Variants in RTN1 observed in about 807,000 individuals in gnomAD.
RTN1 encodes reticulon-1.
RTN1 carries 25 observed loss-of-function variants against 65.5 expected under a neutral mutation model. The ratio of observed to expected loss-of-function variants is 0.38; its 90% CI spans 0.28 to 0.53. The LOEUF is 0.53. Among genes scored for constraint, RTN1 ranks in the 20% least tolerant of loss-of-function variants. The pLI, the probability that RTN1 is intolerant of heterozygous loss-of-function variation, is 0.79. For synonymous variants in RTN1, 471 were observed against 447.6 expected, an observed-to-expected ratio of 1.05 and a Z score of -0.66; for missense variants, 983 against 1,025.4, an observed-to-expected ratio of 0.96 and a Z score of 0.57.
chr14:59,686,856 C>G (rs7159125), intron 3 of RTN1, among the ~76,000 whole-genome samples: 1 of 152,176 alleles, frequency 6.6e-6, no homozygotes, highest in Non-Finnish European at 1.5e-5. Context: ...GAACCAAGAA[C>G]AGGACACCAT....
intron 1 of RTN1, among the ~76,000 whole-genome samples, chr14:59,860,435 C>T (rs991909409): frequency 6.6e-6 from 1 of 152,230 alleles, no homozygotes; most frequent in African/African-American, 2.4e-5. Flanking sequence ...CAGAAGTTTG[C>T]TGCAGGGGTG....
chr14:59,739,751 T>C (rs913676531), intron 2 of RTN1, among the ~76,000 whole-genome samples: 7 of 152,216 alleles, frequency 4.6e-5, no homozygotes, highest in African/African-American at 1.7e-4. Flanking sequence ...CAAAAGCTAC[T>C]CAGAAATGGT....
At chr14:59,858,555 A>C (rs546671406) in intron 1 of RTN1, among the ~76,000 whole-genome samples, 1 of 152,198 alleles carries the variant, frequency 6.6e-6, no homozygotes, top group Non-Finnish European at 1.5e-5. Flanking sequence ...GCGTCAACAA[A>C]TTTTCCAAAC....
chr14:59,802,149 T>C, intron 1 of RTN1, among the ~76,000 whole-genome samples: 1 of 152,254 alleles, frequency 6.6e-6, no homozygotes, highest in African/African-American at 2.4e-5. Context: ...TTTTTCTCTT[T>C]GGCTCTATTT....
At chr14:59,661,761 T>C (rs906736610) in intron 3 of RTN1, among the ~76,000 whole-genome samples, 1 of 152,092 alleles carries the variant, frequency 6.6e-6, no homozygotes, top group Non-Finnish European at 1.5e-5. Flanking sequence ...CTCAAAATAA[T>C]AAGCTATTTA....
intron 3 of RTN1, among the ~76,000 whole-genome samples, chr14:59,719,829 T>A (rs759086404): frequency 1.6e-4 from 24 of 152,158 alleles, no homozygotes; most frequent in Non-Finnish European, 3.1e-4. Context: ...CCAAACTCCA[T>A]TATTATAAGT....
At chr14:59,613,856 A>T (rs2093049) in intron 3 of RTN1, among the ~76,000 whole-genome samples, 19 of 151,840 alleles carry the variant, frequency 1.3e-4, no homozygotes, top group Non-Finnish European at 2.5e-4. Context: ...ATTTAAAAGC[A>T]GATAAATCCC....
At chr14:59,686,281 C>G (rs1210148995) in intron 3 of RTN1, among the ~76,000 whole-genome samples, 2 of 152,028 alleles carry the variant, frequency 1.3e-5, no homozygotes, top group East Asian at 1.9e-4. Context: ...TGGATATGAC[C>G]TCAAAAGCAC....
At chr14:59,713,057 A>G (rs1230741702) in intron 3 of RTN1, among the ~76,000 whole-genome samples, 9 of 152,218 alleles carry the variant, frequency 5.9e-5, no homozygotes, top group Non-Finnish European at 1.3e-4. Flanking sequence ...AATCATCCCA[A>G]GAATCCAGTG....
intron 1 of RTN1, among the ~76,000 whole-genome samples, chr14:59,793,410 T>C (rs904718944): frequency 1.3e-5 from 2 of 152,164 alleles, no homozygotes; most frequent in African/African-American, 4.8e-5. Context: ...GAATTCTAAA[T>C]GCAACCTTTT....
At chr14:59,641,779 TC>T (rs1221150614) in intron 3 of RTN1, among the ~76,000 whole-genome samples, 1 of 152,260 alleles carries the variant, frequency 6.6e-6, no homozygotes, top group Admixed American at 6.5e-5. Context: ...AATACAAGTT[TC>T]TTACAACATC....
chr14:59,644,958 G>C (rs1212211713), intron 3 of RTN1, among the ~76,000 whole-genome samples: 3 of 151,704 alleles, frequency 2.0e-5, no homozygotes, highest in African/African-American at 4.8e-5. Context: ...GAGCTCCCAG[G>C]GGGAGGACAG....
intron 3 of RTN1, among the ~76,000 whole-genome samples, chr14:59,693,083 C>G (rs1332360115): frequency 6.6e-6 from 1 of 152,110 alleles, no homozygotes; most frequent in South Asian, 2.1e-4. Context: ...GCTTAGTCCC[C>G]TTATAAAAGA....
chr14:59,700,444 T>C (rs1040968452), intron 3 of RTN1, among the ~76,000 whole-genome samples: 1 of 152,072 alleles, frequency 6.6e-6, no homozygotes, highest in African/African-American at 2.4e-5. Flanking sequence ...AAGAACAAAA[T>C]TGGAGGACTT....
intron 2 of RTN1, among the ~76,000 whole-genome samples, chr14:59,733,835 G>A (rs1219650847): frequency 1.3e-5 from 2 of 152,140 alleles, no homozygotes; most frequent in Non-Finnish European, 2.9e-5. Flanking sequence ...CAAACCAATT[G>A]GGGGCTGAAG....
chr14:59,763,883 A>C (rs1441642009), intron 1 of RTN1, among the ~76,000 whole-genome samples: 1 of 152,204 alleles, frequency 6.6e-6, no homozygotes, highest in Non-Finnish European at 1.5e-5. Flanking sequence ...TAGTTAAAAT[A>C]CTACATTCTC....
rs568775065 is a variant in RTN1 at position 59,663,080 on chromosome 14, T to C, written c.1766-55588A>G. Among the ~76,000 whole-genome samples, 125 of 152,180 alleles carry C rather than the reference T, an allele frequency of 8.2e-4. 1 individual carries two copies. The highest frequency in any genetic ancestry group is 2.8e-3 in the African/African-American group (118 of 41,506). On this transcript the variant is annotated intron_variant, in intron 3 of 8. Transcript: ENST00000267484. ...CTACCAAAACAGATATATAGACTAA[T>C]GGAACAGAACAGAGAACTCAGAAAT...
intron 3 of RTN1, among the ~76,000 whole-genome samples, chr14:59,657,283 C>T (rs932117488): frequency 2.6e-5 from 4 of 152,174 alleles, no homozygotes; most frequent in African/African-American, 9.7e-5. Context: ...GTGGCACATG[C>T]CTGTAATCAC....
chr14:59,730,619 C>G (rs1380124013), intron 2 of RTN1, among the ~76,000 whole-genome samples: 1 of 152,106 alleles, frequency 6.6e-6, no homozygotes, highest in Non-Finnish European at 1.5e-5. Flanking sequence ...ATAAGGGACT[C>G]ATATCTAGAA....
Sources: allele counts gnomAD v4.1 joint callset (sites outside exome capture counted in the v4.1 genomes callset), GRCh38; gene constraint gnomAD v4.1.1; transcripts MANE v1.5; gene names NCBI Gene and HGNC (gene_info 2026-07-23, HGNC 2026-07-21).